Variants in ZNF536 observed in about 807,000 individuals in gnomAD.
ZNF536 encodes zinc finger protein 536.
Under a neutral mutation model 84.5 loss-of-function variants are expected in ZNF536, and 13 were observed. The ratio of observed to expected loss-of-function variants is 0.15; its 90% CI spans 0.10 to 0.24. The LOEUF (loss-of-function observed/expected upper bound fraction) is 0.24, where lower values mean the gene tolerates loss of function less well. ZNF536 is among the 10% of genes least tolerant of loss of function. ZNF536 has a pLI of 1.00. For missense variants in ZNF536, 1,536 were observed against 1,747.5 expected, an observed-to-expected ratio of 0.88 and a Z score of 2.16; for synonymous variants, 811 against 742.5, an observed-to-expected ratio of 1.09 and a Z score of -1.50.
intron 2 of ZNF536, among the ~76,000 whole-genome samples, chr19:30,489,406 C>T (rs1325252560): frequency 9.9e-5 from 15 of 151,902 alleles, no homozygotes; most frequent in Admixed American, 9.9e-4. Context: ...ATAGCAAGAC[C>T]CCATCTCTAC....
intron 1 of ZNF536, among the ~76,000 whole-genome samples, chr19:30,697,634 C>A (rs577267835): frequency 2.0e-5 from 3 of 152,132 alleles, no homozygotes; most frequent in African/African-American, 7.2e-5. Flanking sequence ...CACACACAAC[C>A]GATAAGAGGC....
intron 1 of ZNF536, among the ~76,000 whole-genome samples, chr19:30,597,616 TTG>T (rs1217693601): frequency 6.6e-6 from 1 of 152,232 alleles, no homozygotes; most frequent in African/African-American, 2.4e-5. Flanking sequence ...AGCAATTTGC[TTG>T]CTGTCTTGGT....
chr19:30,255,550 C>T (rs1445911268), intron 1 of ZNF536, among the ~76,000 whole-genome samples: 1 of 152,020 alleles, frequency 6.6e-6, no homozygotes, highest in Non-Finnish European at 1.5e-5. Flanking sequence ...ATGCAGGATA[C>T]GATTACAGTA....
intron 1 of ZNF536, among the ~76,000 whole-genome samples, chr19:30,602,322 G>A (rs944620862): frequency 2.6e-5 from 4 of 152,206 alleles, no homozygotes; most frequent in African/African-American, 4.8e-5. Context: ...TCTGCTCTAC[G>A]CCAGCCTCTG....
intron 1 of ZNF536, among the ~76,000 whole-genome samples, chr19:30,398,000 C>T (rs1254618610): frequency 6.6e-6 from 1 of 152,130 alleles, no homozygotes; most frequent in Non-Finnish European, 1.5e-5. Context: ...TTCTTTTTCC[C>T]TTTTAAATTT....
At chr19:30,709,392 A>G (rs986513214) in intron 1 of ZNF536, among the ~76,000 whole-genome samples, 1 of 152,084 alleles carries the variant, frequency 6.6e-6, no homozygotes, top group African/African-American at 2.4e-5. Context: ...TCTGCCTAAG[A>G]GCAAGACTCA....
intron 1 of ZNF536, among the ~76,000 whole-genome samples, chr19:30,281,374 C>A (rs1294430466): frequency 6.6e-6 from 1 of 152,190 alleles, no homozygotes; most frequent in Non-Finnish European, 1.5e-5. Flanking sequence ...ACTTCTGTGC[C>A]CCTTCCTGGC....
intron 2 of ZNF536, among the ~76,000 whole-genome samples, chr19:30,521,375 G>A (rs922700802): frequency 2.0e-5 from 3 of 152,132 alleles, no homozygotes; most frequent in African/African-American, 4.8e-5. Context: ...TCTTCTGGGG[G>A]GCTTGTTGGA....
intron 1 of ZNF536, among the ~76,000 whole-genome samples, chr19:30,617,333 C>CTTTTTTTTTTTTT (rs556835599): frequency 0.011 from 403 of 37,706 alleles, 144 homozygotes; most frequent in Non-Finnish European, 0.018. Context: ...GAATAGCTTA[C>CTTTTTTTTTTTTT]TTTTTTTTTT....
intron 1 of ZNF536, among the ~76,000 whole-genome samples, chr19:30,431,053 T>C (rs576328468): frequency 6.6e-6 from 1 of 152,340 alleles, no homozygotes; most frequent in East Asian, 1.9e-4. Flanking sequence ...AGTCACACTT[T>C]ACTCCCCCTT....
chr19:30,508,675 C>T (rs997159088), intron 2 of ZNF536, among the ~76,000 whole-genome samples: 3 of 152,076 alleles, frequency 2.0e-5, no homozygotes, highest in Non-Finnish European at 4.4e-5. Context: ...TCACTGACAG[C>T]AGTGAGGGTA....
intron 1 of ZNF536, among the ~76,000 whole-genome samples, chr19:30,606,271 TAAAATAAAATAAAATAAAATA>T (rs1685701968): frequency 4.2e-5 from 1 of 23,790 alleles, no homozygotes; most frequent in Non-Finnish European, 1.2e-4. Context: ...TAAAATAAAA[TAAAATAAAATAAAATAAAATA>T]AATAAAATAA....
chr19:30,298,463 G>T (rs1156930341), intron 2 of ZNF536, among the ~76,000 whole-genome samples: 1 of 152,186 alleles, frequency 6.6e-6, no homozygotes, highest in Non-Finnish European at 1.5e-5. Context: ...CATTTGCGTG[G>T]GAGTTTCCTA....
At chr19:30,596,374 T>C (rs1338472390) in intron 1 of ZNF536, among the ~76,000 whole-genome samples, 1 of 152,240 alleles carries the variant, frequency 6.6e-6, no homozygotes. Context: ...TATCGTGGCT[T>C]TTAAAAACAC....
intron 1 of ZNF536, among the ~76,000 whole-genome samples, chr19:30,622,947 G>T (rs546523368): frequency 7.1e-6 from 1 of 141,050 alleles, no homozygotes; most frequent in Non-Finnish European, 1.5e-5. Flanking sequence ...TCCTCCTAGA[G>T]TTTTTTTTTT....
In ZNF536 at chr19:30,456,840, G is replaced by A. The variant is rs569743806; in HGVS notation, c.2170+11108G>A. Among the ~76,000 whole-genome samples, 16 of 152,056 alleles carry A rather than the reference G, an allele frequency of 1.1e-4. No homozygotes were observed. In the South Asian group the frequency reaches 2.3e-3, roughly 22 times the overall value. ...GCAGATCACTTGAGGTCAGGAGTTCGAGACCAGCCTGGCCAACGTGGCAAA... is the reference window on the plus strand; with the variant it reads ...GCAGATCACTTGAGGTCAGGAGTTCAAGACCAGCCTGGCCAACGTGGCAAA... On this transcript the variant is annotated intron_variant, in intron 2 of 4. Transcript: ENST00000355537.
intron 1 of ZNF536, among the ~76,000 whole-genome samples, chr19:30,601,345 G>A (rs553260275): frequency 3.9e-5 from 6 of 152,256 alleles, no homozygotes; most frequent in South Asian, 2.1e-4. Context: ...AGCCTGCATC[G>A]GGGTCACATT....
chr19:30,439,420 GC>G (rs1253024516), intron 1 of ZNF536, among the ~76,000 whole-genome samples: 19 of 152,164 alleles, frequency 1.2e-4, no homozygotes, highest in Non-Finnish European at 2.9e-5. Context: ...AGAAATTGGG[GC>G]CGACCCAGGT....
At chr19:30,448,451 G>GA (rs1423257078) in intron 2 of ZNF536, among the ~76,000 whole-genome samples, 5 of 152,122 alleles carry the variant, frequency 3.3e-5, no homozygotes, top group Non-Finnish European at 5.9e-5. Flanking sequence ...AGGAGAGAGA[G>GA]AGAAAAAATC....
Sources: allele counts gnomAD v4.1 joint callset (sites outside exome capture counted in the v4.1 genomes callset), GRCh38; gene constraint gnomAD v4.1.1; transcripts MANE v1.5; gene names NCBI Gene and HGNC (gene_info 2026-07-23, HGNC 2026-07-21).